Variants in RFX3 observed in about 807,000 individuals in gnomAD.
RFX3 encodes regulatory factor X3.
In RFX3, 14 loss-of-function variants were observed where a neutral mutation model predicts 98.6. The observed-to-expected ratio is 0.14, with a 90% CI of 0.09 to 0.22. The LOEUF is 0.22. Ranked by LOEUF, RFX3 falls within the 10% of genes least tolerant of loss-of-function variation. The pLI is 1.00. For synonymous variants in RFX3, 383 were observed against 328.4 expected (o/e 1.17, Z -1.80); for missense variants, 639 against 926.9 (o/e 0.69, Z 4.03).
In RFX3 at chr9:3,219,732, G is replaced by A. The variant is rs921943525; in HGVS notation, c.*5310C>T. 6.6e-6 allele frequency: 1 copy of A among 152,122 alleles called. No homozygotes were observed. The highest frequency in any genetic ancestry group is 1.5e-5 in the Non-Finnish European group (1 of 67,996). 9.4% of individuals were successfully genotyped at this position (152,122 alleles called of 1,614,324 possible). A position where few individuals can be genotyped will look rare whatever the true frequency, so the allele number is the denominator to read the frequency against. On this transcript the variant is annotated 3_prime_UTR_variant, in exon 17 of 17. Coordinates refer to ENST00000617270, the MANE Select transcript of RFX3 (RefSeq NM_001282116.2). ...GTAAATCATCATGAAGAATTCAAAA[G>A]AAGAGAGTTAAATTAAAACCCTTTG...
chr9:3,366,928 C>A (rs1219341081), intron 2 of RFX3, among the ~76,000 whole-genome samples: 4 of 151,900 alleles, frequency 2.6e-5, no homozygotes, highest in African/African-American at 9.7e-5. Flanking sequence ...AAAATTTAGG[C>A]CTTCTTAATG....
chr9:3,377,519 A>C (rs1838681486), intron 2 of RFX3, among the ~76,000 whole-genome samples: 2 of 152,206 alleles, frequency 1.3e-5, no homozygotes, highest in African/African-American at 4.8e-5. Context: ...GCACACCAAC[A>C]TGGGACATGT....
chr9:3,476,727 G>A (rs998034421), intron 1 of RFX3, among the ~76,000 whole-genome samples: 1 of 152,116 alleles, frequency 6.6e-6, no homozygotes, highest in Non-Finnish European at 1.5e-5. Context: ...TAAATAACTG[G>A]AGAAAAAAAT....
intron 1 of RFX3, among the ~76,000 whole-genome samples, chr9:3,444,116 G>A (rs991183672): frequency 1.3e-5 from 2 of 152,116 alleles, no homozygotes; most frequent in African/African-American, 4.8e-5. Context: ...TACATCGATA[G>A]TCATAAGAGC....
chr9:3,441,984 G>A (rs1845645553), intron 1 of RFX3, among the ~76,000 whole-genome samples: 2 of 152,134 alleles, frequency 1.3e-5, no homozygotes, highest in African/African-American at 2.4e-5. Context: ...CAGATCACCT[G>A]AGGTCAGGAG....
At chr9:3,226,847 C>A (rs1289457492) in intron 16 of RFX3, among the ~76,000 whole-genome samples, 1 of 152,164 alleles carries the variant, frequency 6.6e-6, no homozygotes, top group African/African-American at 2.4e-5. Flanking sequence ...TGGTGGCAGT[C>A]TCTTATGGTT....
chr9:3,480,375 C>T (rs1035601462), intron 1 of RFX3, among the ~76,000 whole-genome samples: 1 of 152,192 alleles, frequency 6.6e-6, no homozygotes, highest in Non-Finnish European at 1.5e-5. Context: ...TCCTCTCTCT[C>T]GAAAACACAA....
At chr9:3,388,952 A>G (rs544621610) in intron 2 of RFX3, among the ~76,000 whole-genome samples, 1 of 152,144 alleles carries the variant, frequency 6.6e-6, no homozygotes, top group Non-Finnish European at 1.5e-5. Flanking sequence ...ACAGACAGAG[A>G]TAGTAGAGAG....
At chr9:3,389,940 T>C (rs533969182) in intron 2 of RFX3, among the ~76,000 whole-genome samples, 28 of 152,276 alleles carry the variant, frequency 1.8e-4, no homozygotes, top group African/African-American at 6.0e-4. Context: ...CTGAACCATA[T>C]TGTCTAAGAA....
In RFX3 at chr9:3,380,465, G is replaced by C. The variant is rs183997834; in HGVS notation, c.117+15007C>G. 6.9e-3 allele frequency among the ~76,000 whole-genome samples: 1,056 copies of C among 152,114 alleles called. 1 individual carries two copies. The highest frequency in any genetic ancestry group is 0.024 in the Middle Eastern group (7 of 294). The stretch of plus-strand genomic sequence containing the variant: ...TTCTTCATATCACAGCACCAAACAG[G>C]GTTCATGGCTCATAACAGATGCTCA... On this transcript the variant is annotated intron_variant, in intron 2 of 16. Coordinates refer to ENST00000617270, the MANE Select transcript of RFX3 (RefSeq NM_001282116.2).
chr9:3,425,217 A>C (rs1843897828), intron 1 of RFX3, among the ~76,000 whole-genome samples: 1 of 152,252 alleles, frequency 6.6e-6, no homozygotes, highest in African/African-American at 2.4e-5. Flanking sequence ...CCAGCCTGGC[A>C]ACACAATGAG....
rs964725767 is a variant in RFX3, at chr9:3,320,743, T to G, written c.474+9516A>C. 7.6e-5 allele frequency among the ~76,000 whole-genome samples: 9 copies of G among 118,252 alleles called. 1 individual carries two copies. The highest frequency in any genetic ancestry group is 4.7e-4 in the Admixed American group (6 of 12,702). The allele number at this position is 118,252 out of a possible 152,430, so 77.6% of individuals were successfully genotyped here. ...ACATACACACACATATGTGCCTATA[T>G]ATACATATAATGCATGCTACATAGC... On this transcript the variant is annotated intron_variant, in intron 4 of 16. Transcript: ENST00000617270.
chr9:3,490,328 C>A (rs1162897805), intron 1 of RFX3: 3 of 983,622 alleles, frequency 3.0e-6, no homozygotes. Context: ...CCATAAAATG[C>A]CAGAATGACC....
Position 3,233,915 on chromosome 9 carries a change from A to G in RFX3, c.1969-5026T>C, listed in dbSNP as rs190335463. Among the ~76,000 whole-genome samples the G allele has an allele frequency of 1.1e-4, 17 of 152,336 alleles. No individual in the cohort carries two copies. The East Asian group carries it at 3.1e-3, about 28-fold the overall frequency. Reference sequence around the variant, plus strand: ...ATCATCATTATCTCCCAAGAACTGTAAACCAGACATGCAGAATCAGTCCGA... The same window carrying G: ...ATCATCATTATCTCCCAAGAACTGTGAACCAGACATGCAGAATCAGTCCGA... On this transcript the variant is annotated intron_variant, in intron 15 of 16. Transcript: ENST00000617270.
At chr9:3,472,722 G>T (rs1006220795) in intron 1 of RFX3, among the ~76,000 whole-genome samples, 2 of 152,166 alleles carry the variant, frequency 1.3e-5, no homozygotes. Context: ...TGAAATGATT[G>T]AGTTACTGTG....
intron 15 of RFX3, among the ~76,000 whole-genome samples, chr9:3,234,520 A>T (rs1818877663): frequency 6.6e-6 from 1 of 152,192 alleles, no homozygotes; most frequent in South Asian, 2.1e-4. Flanking sequence ...ACACGCCTGT[A>T]GTCCCAGCTA....
At chr9:3,246,762 C>T (rs886996595) in intron 15 of RFX3, among the ~76,000 whole-genome samples, 3 of 152,140 alleles carry the variant, frequency 2.0e-5, no homozygotes, top group African/African-American at 7.2e-5. Context: ...GTCCTGCTTA[C>T]AATGAAAAGC....
intron 16 of RFX3, among the ~76,000 whole-genome samples, chr9:3,226,346 A>G (rs1817767911): frequency 1.3e-5 from 2 of 152,198 alleles, no homozygotes; most frequent in African/African-American, 2.4e-5. Context: ...CTGTCTCTAT[A>G]AACAAGGCCC....
chr9:3,352,781 G>T (rs1224774827), intron 2 of RFX3, among the ~76,000 whole-genome samples: 1 of 152,004 alleles, frequency 6.6e-6, no homozygotes, highest in Admixed American at 6.6e-5. Context: ...CATGATCCTG[G>T]GTTCTGACCT....
Sources: gnomAD v4.1 joint callset for allele counts (sites outside exome capture counted in the v4.1 genomes callset) on GRCh38, gnomAD v4.1.1 for gene constraint, MANE v1.5 for transcripts, NCBI Gene and HGNC (gene_info 2026-07-23, HGNC 2026-07-21) for gene names.